SYTL2: variants seen among roughly 807,000 people sequenced by gnomAD.
SYTL2 encodes synaptotagmin-like protein 2.
Under a neutral mutation model 198.7 loss-of-function variants are expected in SYTL2, and 165 were observed. The ratio of observed to expected loss-of-function variants is 0.83; its 90% CI spans 0.73 to 0.94. The LOEUF is 0.94. Ranked by LOEUF, SYTL2 falls within the 40% of genes least tolerant of loss-of-function variation. The probability of loss-of-function intolerance (pLI) is 0.00; values close to 1 mark genes in which losing one functional copy is unlikely to be tolerated. For missense variants in SYTL2, 2,835 were observed against 2,582.8 expected (o/e 1.10, Z -2.12); for synonymous variants, 966 against 917.7 (o/e 1.05, Z -0.95).
upstream of SYTL2, among the ~76,000 whole-genome samples, chr11:85,813,795 G>T (rs763189285): frequency 6.9e-6 from 1 of 145,294 alleles, no homozygotes; most frequent in South Asian, 2.4e-4. Flanking sequence ...CAAACACAGC[G>T]CACTGCAGCC....
chr11:85,735,920 CT>C (rs1473128807), intron 6 of SYTL2, among the ~76,000 whole-genome samples: 2 of 152,160 alleles, frequency 1.3e-5, no homozygotes, highest in Non-Finnish European at 2.9e-5. Flanking sequence ...TTTTCTACCC[CT>C]AACCACTCTT....
rs1272377308 is a variant in SYTL2 at position 85,766,924 on chromosome 11, C to G, written c.-389-8810G>C. ...GGAGTGCTATCACTTTCATTATATT[C>G]ATGATTGCTTCAATAAACAGCAGTA... On this transcript the variant is annotated intron_variant, in intron 1 of 19. Transcript: ENST00000359152. Among the ~76,000 whole-genome samples the G allele has an allele frequency of 4.6e-5, 7 of 152,202 alleles. No individual in the cohort carries two copies. The South Asian group carries it at 6.2e-4, about 14-fold the overall frequency.
chr11:85,744,944 G>T (rs1366267927), intron 4 of SYTL2, among the ~76,000 whole-genome samples: 1 of 152,138 alleles, frequency 6.6e-6, no homozygotes, highest in Non-Finnish European at 1.5e-5. Flanking sequence ...ATGTACAAAT[G>T]TACATTTTGA....
the SYTL2 span, among the ~76,000 whole-genome samples, chr11:85,837,252 G>A: frequency 7.9e-5 from 12 of 152,176 alleles, no homozygotes; most frequent in South Asian, 8.3e-4. Flanking sequence ...GGGCCTTCAC[G>A]GAGGCAATTA....
intron 16 of SYTL2, among the ~76,000 whole-genome samples, chr11:85,701,672 T>C (rs933301269): frequency 2.6e-5 from 4 of 152,184 alleles, no homozygotes; most frequent in African/African-American, 9.7e-5. Context: ...TTGAGAACCA[T>C]TTCTTTAGTG....
intron 2 of SYTL2, among the ~76,000 whole-genome samples, 189 bp from the exon 3 acceptor site, chr11:85,748,612 C>T (rs557812912): frequency 6.6e-6 from 1 of 152,228 alleles, no homozygotes; most frequent in South Asian, 2.1e-4. Context: ...AAGACAAGGC[C>T]AACATTTTTT....
chr11:85,734,199 T>C lies in SYTL2; in HGVS notation c.1130A>G (p.Glu377Gly). ...AGAAGGCTTAGGGTCACTCTGAAACTCTTCTGTGTCCCCTGCATCTTCCAT... is the reference window on the plus strand; with the variant it reads ...AGAAGGCTTAGGGTCACTCTGAAACCCTTCTGTGTCCCCTGCATCTTCCAT... ...NGMEDAGDTE[E>G]FQSDPKPSQY... Residue 377 changes from glutamate to glycine, a missense_variant, in exon 7 of 20, where the codon GAG becomes GGG. Around this residue, in one of 3 missense-constraint regions of SYTL2, gnomAD observed 2,645 missense variants for 2,381.7 expected, o/e 1.11. Transcript: ENST00000359152. 6.2e-7 allele frequency: 1 copy of C among 1,614,194 alleles called. No individual in the cohort carries two copies. The highest frequency in any genetic ancestry group is 8.5e-7 in the Non-Finnish European group (1 of 1,180,010).
intron 4 of SYTL2, 41 bp downstream of exon 4, chr11:85,745,596 A>T (rs2091095178): frequency 6.3e-7 from 1 of 1,591,484 alleles, no homozygotes; most frequent in Non-Finnish European, 8.6e-7. Flanking sequence ...CCAGGCCATG[A>T]AAGCCACATG....
chr11:85,797,360 G>C (rs1320677990), intron 1 of SYTL2, among the ~76,000 whole-genome samples: 1 of 152,122 alleles, frequency 6.6e-6, no homozygotes, highest in African/African-American at 2.4e-5. Context: ...AGGAGCAGTG[G>C]CTCACACCTG....
At position 85,727,177 on chromosome 11, in the gene SYTL2, A is replaced by T. The variant is rs1274670240; in HGVS notation, c.2181T>A (p.Asp727Glu). Residue 727 changes from aspartate (D) to glutamate (E), a missense_variant, in exon 8 of 20, where the codon GAT (aspartate) becomes GAA (glutamate). Coordinates refer to ENST00000359152, the MANE Select transcript of SYTL2 (RefSeq NM_206927.4). ...STVVKEPGLK[D>E]NMNAERKSKV... ...TGCTCTTTCTCTCTGCATTCATGTT[A>T]TCTTTCAAACCTGGTTCTTTGACAA... The T allele has an allele frequency of 6.5e-7, 1 of 1,536,504 alleles. No homozygotes were observed. The highest frequency in any genetic ancestry group is 1.7e-4 in the Middle Eastern group (1 of 5,994).
chr11:85,786,503 G>A (rs575086226), intron 1 of SYTL2, among the ~76,000 whole-genome samples: 6 of 152,272 alleles, frequency 3.9e-5, no homozygotes, highest in East Asian at 1.9e-4. Context: ...AAGGGTACAC[G>A]GATCTCTGCA....
At chr11:85,789,326 G>A (rs762879784) in intron 1 of SYTL2, among the ~76,000 whole-genome samples, 2 of 22,838 alleles carry the variant, frequency 8.8e-5, no homozygotes, top group African/African-American at 2.1e-4. Context: ...GTGTGTGTAT[G>A]TGTGTGTGTG....
the SYTL2 span, among the ~76,000 whole-genome samples, chr11:85,822,994 C>T: frequency 7.2e-3 from 1,094 of 152,302 alleles, 15 homozygotes; most frequent in African/African-American, 0.026. Flanking sequence ...TTGGACCTAA[C>T]CTTGTGGCTG....
intron 1 of SYTL2, among the ~76,000 whole-genome samples, chr11:85,801,133 C>A (rs1050400480): frequency 6.6e-6 from 1 of 152,142 alleles, no homozygotes; most frequent in Non-Finnish European, 1.5e-5. Flanking sequence ...CCTCTCTGCT[C>A]CTCCCTCTAA....
intron 16 of SYTL2, 97 bp downstream of exon 16, chr11:85,704,761 A>C: frequency 3.3e-6 from 3 of 913,486 alleles, no homozygotes; most frequent in Non-Finnish European, 3.2e-6. Context: ...CCCAAACTAC[A>C]GATCTGTACT....
intron 3 of SYTL2, among the ~76,000 whole-genome samples, chr11:85,747,929 T>C (rs911379337): frequency 3.3e-5 from 5 of 152,220 alleles, no homozygotes; most frequent in Admixed American, 1.3e-4. Context: ...CTGATATCTT[T>C]TTGTCTAAGC....
In SYTL2 at chr11:85,796,048, C is replaced by T. The variant is rs1592060706; in HGVS notation, c.-390+14906G>A. Among the ~76,000 whole-genome samples the T allele has an allele frequency of 2.6e-5, 4 of 152,294 alleles. No homozygotes were observed. In the South Asian group the frequency reaches 8.3e-4, roughly 32 times the overall value. On this transcript the variant is annotated intron_variant, in intron 1 of 19. Transcript: ENST00000359152. ...TCACTGAGGCTCAGGTTAGATTTAA[C>T]CACTTACATAAGAACTGATCTAATG...
At chr11:85,807,770 T>C (rs1400378165) in intron 1 of SYTL2, among the ~76,000 whole-genome samples, 2 of 152,186 alleles carry the variant, frequency 1.3e-5, no homozygotes, top group African/African-American at 4.8e-5. Context: ...AGCAGCCCCA[T>C]GGCCCAGCAC....
chr11:85,830,601 C>G, the SYTL2 span, among the ~76,000 whole-genome samples: 1 of 152,112 alleles, frequency 6.6e-6, no homozygotes, highest in Non-Finnish European at 1.5e-5. Context: ...GTTTGCTCAG[C>G]CCACAAAGGG....
Sources: allele counts gnomAD v4.1 joint callset (sites outside exome capture counted in the v4.1 genomes callset), GRCh38; gene constraint gnomAD v4.1.1; regional missense constraint gnomAD v4.1.1; transcripts MANE v1.5; gene names NCBI Gene and HGNC (gene_info 2026-07-23, HGNC 2026-07-21).